Variants in CLSTN2 observed in about 807,000 individuals in gnomAD.
CLSTN2 encodes calsyntenin 2.
A neutral mutation model predicts 101.2 loss-of-function variants in CLSTN2; 48 were observed. The ratio of observed to expected loss-of-function variants is 0.47; its 90% CI spans 0.38 to 0.60. The LOEUF is 0.60. Among genes scored for constraint, CLSTN2 ranks in the 20% least tolerant of loss-of-function variants. CLSTN2 has a pLI of 0.00. For synonymous variants in CLSTN2, 481 were observed against 463.6 expected (o/e 1.04, Z -0.48); for missense variants, 1,160 against 1,238.2 (o/e 0.94, Z 0.95).
At chr3:140,024,443 GT>G (rs2007378459) in intron 1 of CLSTN2, among the ~76,000 whole-genome samples, 1 of 152,146 alleles carries the variant, frequency 6.6e-6, no homozygotes, top group Non-Finnish European at 1.5e-5. Flanking sequence ...TTTTGTTTTT[GT>G]TTTTGTTTTC....
chr3:140,282,919 TC>T (rs1239796498), intron 2 of CLSTN2, among the ~76,000 whole-genome samples: 1 of 152,138 alleles, frequency 6.6e-6, no homozygotes, highest in African/African-American at 2.4e-5. Flanking sequence ...TCGCAAAAGA[TC>T]CCTTCAACCT....
chr3:140,254,831 A>T (rs1271417334), intron 2 of CLSTN2, among the ~76,000 whole-genome samples: 1 of 152,198 alleles, frequency 6.6e-6, no homozygotes, highest in Non-Finnish European at 1.5e-5. Flanking sequence ...GACAAGAGGG[A>T]CTTAAACTAA....
intron 2 of CLSTN2, among the ~76,000 whole-genome samples, chr3:140,196,685 G>A (rs1395655824): frequency 6.6e-6 from 1 of 152,164 alleles, no homozygotes; most frequent in Non-Finnish European, 1.5e-5. Flanking sequence ...GAGGCAGCCA[G>A]AACAGACAAA....
intron 2 of CLSTN2, among the ~76,000 whole-genome samples, chr3:140,239,301 A>T (rs914301818): frequency 6.6e-6 from 1 of 152,222 alleles, no homozygotes; most frequent in Non-Finnish European, 1.5e-5. Flanking sequence ...GTATGATTAC[A>T]TACACATACT....
chr3:140,328,573 A>G (rs1298388799), intron 2 of CLSTN2, among the ~76,000 whole-genome samples: 1 of 152,160 alleles, frequency 6.6e-6, no homozygotes, highest in Non-Finnish European at 1.5e-5. Context: ...TTCCCTCACA[A>G]TACAATTCTG....
chr3:139,959,347 T>G (rs1036812150), intron 1 of CLSTN2, among the ~76,000 whole-genome samples: 2 of 152,234 alleles, frequency 1.3e-5, no homozygotes, highest in Non-Finnish European at 2.9e-5. Flanking sequence ...TCATGTTACA[T>G]TTCCTCTCTT....
At chr3:140,459,106 C>CT (rs1933490069) in intron 6 of CLSTN2, among the ~76,000 whole-genome samples, 1 of 152,166 alleles carries the variant, frequency 6.6e-6, no homozygotes, top group Non-Finnish European at 1.5e-5. Context: ...TAGAAGGGGT[C>CT]TTGGCACATG....
intron 2 of CLSTN2, among the ~76,000 whole-genome samples, chr3:140,313,549 G>A (rs2087194903): frequency 6.6e-6 from 1 of 152,150 alleles, no homozygotes; most frequent in African/African-American, 2.4e-5. Context: ...TAGAGGAGGT[G>A]GCAGTTGCGG....
chr3:139,999,800 T>C (rs1338993772), intron 1 of CLSTN2, among the ~76,000 whole-genome samples: 2 of 152,028 alleles, frequency 1.3e-5, no homozygotes, highest in African/African-American at 2.4e-5. Context: ...GTGTGAATTA[T>C]ATGTATGGTC....
chr3:140,240,535 A>T (rs2086458412), intron 2 of CLSTN2, among the ~76,000 whole-genome samples: 2 of 151,970 alleles, frequency 1.3e-5, no homozygotes, highest in African/African-American at 4.8e-5. Flanking sequence ...TGACCATGTG[A>T]TAATACCACC....
At chr3:140,259,537 A>T (rs1033997588) in intron 2 of CLSTN2, among the ~76,000 whole-genome samples, 3 of 152,250 alleles carry the variant, frequency 2.0e-5, no homozygotes, top group South Asian at 4.2e-4. Context: ...ATAAGTTTTG[A>T]CATTCCTGTA....
At chr3:140,127,442 T>C (rs374213162) in intron 1 of CLSTN2, among the ~76,000 whole-genome samples, 15 of 152,310 alleles carry the variant, frequency 9.8e-5, no homozygotes, top group African/African-American at 3.6e-4. Context: ...TGATTACTAA[T>C]ATGCTGCAGC....
chr3:140,466,615 A>C lies in CLSTN2; in HGVS notation c.1228A>C (p.Asn410His). Residue 410 changes from asparagine to histidine, a missense_variant, in exon 8 of 17, where the codon AAC becomes CAC. By Grantham distance (68) the Asn-to-His change is moderately conservative. Transcript: ENST00000458420. ...ACCTTCTTTCTGCTTTTCAGAAATG[A>C]ACCGGCATCACTATGCCCTGTATGT... Reference protein sequence around the residue: ...ILCNSDKTEMNRHHYALYVHN... With the variant: ...ILCNSDKTEMHRHHYALYVHN... 6.2e-7 allele frequency: 1 copy of C among 1,614,162 alleles called. No individual in the cohort carries two copies. The highest frequency in any genetic ancestry group is 1.1e-5 in the South Asian group (1 of 91,082).
intron 1 of CLSTN2, among the ~76,000 whole-genome samples, chr3:140,135,127 T>C (rs201100619): frequency 0.26 from 21,280 of 82,024 alleles, 2,686 homozygotes; most frequent in Non-Finnish European, 0.3. Context: ...CATATATATA[T>C]ATATATATAT....
intron 1 of CLSTN2, among the ~76,000 whole-genome samples, chr3:140,168,812 G>C (rs947691914): frequency 6.6e-6 from 1 of 151,996 alleles, no homozygotes; most frequent in African/African-American, 2.4e-5. Flanking sequence ...CCATATGTAT[G>C]TGTCTATTTC....
intron 2 of CLSTN2, among the ~76,000 whole-genome samples, chr3:140,403,057 C>T (rs1430020452): frequency 6.6e-6 from 1 of 152,180 alleles, no homozygotes; most frequent in East Asian, 1.9e-4. Flanking sequence ...GAGATATTAT[C>T]ATGGCATTAT....
intron 1 of CLSTN2, among the ~76,000 whole-genome samples, chr3:140,140,274 G>A (rs1375176747): frequency 6.6e-6 from 1 of 152,120 alleles, no homozygotes; most frequent in Non-Finnish European, 1.5e-5. Context: ...AAAGAAAGGG[G>A]TTTATTTTGG....
At chr3:140,557,925 A>G (rs576831367) in intron 11 of CLSTN2, among the ~76,000 whole-genome samples, 4 of 152,316 alleles carry the variant, frequency 2.6e-5, no homozygotes, top group Non-Finnish European at 1.5e-5. Context: ...TCTTTTCTAT[A>G]TATGTCTGCA....
chr3:140,466,806 A>C, intron 8 of CLSTN2, 75 bp downstream of exon 8: 1 of 1,594,884 alleles, frequency 6.3e-7, no homozygotes, highest in East Asian at 2.2e-5. Context: ...TGGTGATGGC[A>C]GTGGGGAGGC....
Sources: gnomAD v4.1 joint callset for allele counts (sites outside exome capture counted in the v4.1 genomes callset) on GRCh38, gnomAD v4.1.1 for gene constraint, MANE v1.5 for transcripts, NCBI Gene and HGNC (gene_info 2026-07-23, HGNC 2026-07-21) for gene names.